The following ESYT2 variants were observed in gnomAD, a reference collection of about 807,000 sequenced individuals.
ESYT2 encodes extended synaptotagmin 2.
In ESYT2, 54 loss-of-function variants were observed where a neutral mutation model predicts 107.2. That is an observed-to-expected ratio of 0.50 (90% CI 0.40 to 0.63). The LOEUF (loss-of-function observed/expected upper bound fraction) is 0.63, where lower values mean the gene tolerates loss of function less well. Ranked by LOEUF, ESYT2 falls within the 30% of genes least tolerant of loss-of-function variation. The pLI is 0.00. For synonymous variants in ESYT2, 491 were observed against 434.1 expected (o/e 1.13, Z -1.63); for missense variants, 1,020 against 1,094.5 (o/e 0.93, Z 0.96).
At chr7:158,806,344 T>A (rs1441610514) in intron 1 of ESYT2, among the ~76,000 whole-genome samples, 8 of 152,366 alleles carry the variant, frequency 5.3e-5, no homozygotes, top group East Asian at 1.9e-4. Context: ...GCTGTCTAAG[T>A]CACTTGAAAT....
rs1048160376 is a variant in ESYT2 at position 158,741,927 on chromosome 7, C to G, written c.1795-31G>C. On this transcript the variant is annotated intron_variant, in intron 17 of 22. Coordinates refer to ENST00000275418, the MANE Select transcript of ESYT2 (RefSeq NM_001367773.1). Reference sequence around the variant, plus strand: ...GGTGGACATAAACATAAAAATTAAACTTGGTGACACTGGTAACATCCTAAT... The same window carrying G: ...GGTGGACATAAACATAAAAATTAAAGTTGGTGACACTGGTAACATCCTAAT... 4.5e-6 allele frequency: 7 copies of G among 1,541,894 alleles called. No homozygotes were observed. In the African/African-American group the frequency reaches 9.7e-5, roughly 21 times the overall value.
At chr7:158,780,774 T>C (rs980058505) in intron 6 of ESYT2, among the ~76,000 whole-genome samples, 4 of 152,132 alleles carry the variant, frequency 2.6e-5, no homozygotes, top group African/African-American at 4.8e-5. Context: ...AGGAAGAGAT[T>C]TGAATGCAAG....
Position 158,761,484 on chromosome 7 carries a change from A to C in ESYT2, c.1233+12T>G. On this transcript the variant is annotated intron_variant, in intron 11 of 22. Coordinates refer to ENST00000275418, the MANE Select transcript of ESYT2 (RefSeq NM_001367773.1). ...ACAATTGTAAACAGACCCACACTCC[A>C]GGGAAACTTACTTCATCTAAAAGGC... 2 of 1,613,950 alleles carry C rather than the reference A, an allele frequency of 1.2e-6. No individual in the cohort carries two copies.
Position 158,738,456 on chromosome 7 carries a change from A to AT in ESYT2, c.2267+566dup, listed in dbSNP as rs1011762031. Among the ~76,000 whole-genome samples the AT allele has an allele frequency of 2.5e-4, 37 of 149,970 alleles. No homozygotes were observed. The South Asian group carries it at 5.9e-3, about 24-fold the overall frequency. ...GTAGGCAATTGTGACATATTTGTGT[A>AT]TTTTTTTTTCTTTTTGAGACAAAGT... On this transcript the variant is annotated intron_variant, in intron 19 of 22. Transcript: ENST00000275418.
At chr7:158,817,930 A>G (rs1446113072) in intron 1 of ESYT2, among the ~76,000 whole-genome samples, 1 of 152,226 alleles carries the variant, frequency 6.6e-6, no homozygotes, top group Non-Finnish European at 1.5e-5. Flanking sequence ...CCAGTATAAT[A>G]TTTATGGCAT....
At chr7:158,796,866 A>T (rs1454530779) in intron 3 of ESYT2, among the ~76,000 whole-genome samples, 2 of 149,964 alleles carry the variant, frequency 1.3e-5, no homozygotes, top group African/African-American at 4.9e-5. Flanking sequence ...CAGACAGGAA[A>T]GGGCACTGCA....
intron 4 of ESYT2, among the ~76,000 whole-genome samples, chr7:158,789,224 C>G (rs1158210325): frequency 1.3e-5 from 2 of 152,146 alleles, no homozygotes; most frequent in Non-Finnish European, 2.9e-5. Context: ...TATTTATTGT[C>G]CTGGTGTTAA....
intron 4 of ESYT2, among the ~76,000 whole-genome samples, chr7:158,792,160 CTTTTTT>C (rs113589859): frequency 8.1e-6 from 1 of 123,350 alleles, no homozygotes; most frequent in African/African-American, 3.0e-5. Context: ...TCCACGAGTT[CTTTTTT>C]TTTTTTTTTT....
At chr7:158,820,091 C>T (rs898678247) in intron 1 of ESYT2, among the ~76,000 whole-genome samples, 1 of 152,182 alleles carries the variant, frequency 6.6e-6, no homozygotes, top group Non-Finnish European at 1.5e-5. Flanking sequence ...CATTAAACCC[C>T]ATTCAATTTA....
At chr7:158,809,923 G>A (rs149045072) in intron 1 of ESYT2, among the ~76,000 whole-genome samples, 43 of 152,308 alleles carry the variant, frequency 2.8e-4, no homozygotes, top group Admixed American at 5.9e-4. Context: ...ATGCACTGGA[G>A]CTTCTTTGAA....
At chr7:158,807,291 G>C (rs114170203) in intron 1 of ESYT2, among the ~76,000 whole-genome samples, 1,586 of 149,202 alleles carry the variant, frequency 0.011, 38 homozygotes, top group African/African-American at 0.037. Flanking sequence ...GAAGTGACTG[G>C]AATACTAAAA....
rs1245706260 is a variant in ESYT2 at position 158,760,247 on chromosome 7, C to T, written c.1234-100G>A. ...AATGTTCCATGCTGCTCACTAACCA[C>T]GAGGCATCAACAGTTCTCAGTAACG... On this transcript the variant is annotated intron_variant, in intron 11 of 22. Coordinates refer to ENST00000275418, the MANE Select transcript of ESYT2 (RefSeq NM_001367773.1). 4.3e-5 allele frequency: 44 copies of T among 1,031,888 alleles called. No individual in the cohort carries two copies. The South Asian group carries it at 5.3e-4, about 12-fold the overall frequency. 63.9% of individuals were successfully genotyped at this position (1,031,888 alleles called of 1,614,324 possible).
At chr7:158,800,951 T>C (rs1294510278) in intron 1 of ESYT2, among the ~76,000 whole-genome samples, 2 of 151,662 alleles carry the variant, frequency 1.3e-5, no homozygotes, top group Non-Finnish European at 2.9e-5. Context: ...ACTGCCTCAC[T>C]GTAGGCATGG....
intron 6 of ESYT2, among the ~76,000 whole-genome samples, chr7:158,776,754 T>G (rs1231119417): frequency 6.6e-6 from 1 of 152,250 alleles, no homozygotes; most frequent in Non-Finnish European, 1.5e-5. Context: ...AACATTTCCT[T>G]TGCATTTACA....
At chr7:158,825,849 A>T (rs1840424047) in intron 1 of ESYT2, among the ~76,000 whole-genome samples, 1 of 152,220 alleles carries the variant, frequency 6.6e-6, no homozygotes, top group South Asian at 2.1e-4. Flanking sequence ...TCCAAAGTTC[A>T]GAAACCCCAA....
At chr7:158,803,506 T>C (rs575851029) in intron 1 of ESYT2, among the ~76,000 whole-genome samples, 86 of 152,348 alleles carry the variant, frequency 5.6e-4, no homozygotes, top group African/African-American at 2.0e-3. Flanking sequence ...TAAACAGATG[T>C]GGCCTGCGTT....
intron 1 of ESYT2, among the ~76,000 whole-genome samples, chr7:158,809,191 C>T (rs899323625): frequency 4.6e-5 from 7 of 151,716 alleles, no homozygotes; most frequent in African/African-American, 1.2e-4. Context: ...GCAAAAGTGA[C>T]GGGGCGTGGT....
intron 6 of ESYT2, among the ~76,000 whole-genome samples, chr7:158,782,855 T>A (rs1838961457): frequency 6.6e-6 from 1 of 151,596 alleles, no homozygotes; most frequent in Non-Finnish European, 1.5e-5. Context: ...AAAGAACAAG[T>A]GAGAGAGAAC....
chr7:158,758,393 C>T lies in ESYT2; in HGVS notation c.1419+1093G>A, dbSNP rs140155146. On this transcript the variant is annotated intron_variant, in intron 13 of 22. Transcript: ENST00000275418. ...TGAACTATGAAGCGTAGTCTGACCA[C>T]GGCAAGGCAAGACTACAGGGGATCG... Among the ~76,000 whole-genome samples, 393 of 152,266 alleles carry T rather than the reference C, an allele frequency of 2.6e-3. 2 individuals carry two copies. The highest frequency in any genetic ancestry group is 4.3e-3 in the Non-Finnish European group (294 of 68,022).
Sources: gnomAD v4.1 joint callset for allele counts (sites outside exome capture counted in the v4.1 genomes callset) on GRCh38, gnomAD v4.1.1 for gene constraint, MANE v1.5 for transcripts, NCBI Gene and HGNC (gene_info 2026-07-23, HGNC 2026-07-21) for gene names.